HECW2: variants seen among roughly 807,000 people sequenced by gnomAD.
The protein encoded by HECW2 is E3 ubiquitin-protein ligase HECW2.
In HECW2, 61 loss-of-function variants were observed where a neutral mutation model predicts 175.2. The ratio of observed to expected loss-of-function variants is 0.35; its 90% CI spans 0.28 to 0.43. The LOEUF is 0.43. HECW2 is among the 20% of genes least tolerant of loss of function. HECW2 has a pLI of 1.00. For missense variants in HECW2, 1,524 were observed against 2,000.5 expected (o/e 0.76, Z 4.54); for synonymous variants, 671 against 731.0 (o/e 0.92, Z 1.32).
intron 17 of HECW2, among the ~76,000 whole-genome samples, chr2:196,258,453 GA>G (rs1689153183): frequency 6.6e-6 from 1 of 152,030 alleles, no homozygotes. Flanking sequence ...TTTAAATAAA[GA>G]AAAAACTGAA....
chr2:196,592,014 G>A (rs1691215613), intron 1 of HECW2, among the ~76,000 whole-genome samples: 1 of 152,120 alleles, frequency 6.6e-6, no homozygotes, highest in South Asian at 2.1e-4. Context: ...GAGGGAATAG[G>A]AGAAATAGTA....
intron 1 of HECW2, among the ~76,000 whole-genome samples, chr2:196,550,188 T>A (rs1689563746): frequency 6.6e-6 from 1 of 152,216 alleles, no homozygotes; most frequent in South Asian, 2.1e-4. Context: ...ACCATCCATA[T>A]AAAGGTAGAC....
chr2:196,492,979 G>T (rs1278945610), intron 1 of HECW2, among the ~76,000 whole-genome samples: 4 of 152,170 alleles, frequency 2.6e-5, no homozygotes, highest in African/African-American at 9.7e-5. Context: ...AAACACTGCT[G>T]TAAAGTTATA....
chr2:196,572,660 C>A (rs1016289183), intron 1 of HECW2, among the ~76,000 whole-genome samples: 1 of 152,172 alleles, frequency 6.6e-6, no homozygotes, highest in Non-Finnish European at 1.5e-5. Context: ...AAACCCTACT[C>A]CCAATGTGAT....
At chr2:196,278,022 A>C (rs1313128331) in intron 15 of HECW2, among the ~76,000 whole-genome samples, 2 of 146,942 alleles carry the variant, frequency 1.4e-5, no homozygotes, top group African/African-American at 4.9e-5. Flanking sequence ...AGATATACCT[A>C]ATGTAAATGA....
intron 2 of HECW2, among the ~76,000 whole-genome samples, chr2:196,389,115 T>G (rs1363735567): frequency 1.3e-5 from 2 of 152,220 alleles, no homozygotes; most frequent in African/African-American, 4.8e-5. Context: ...TATGGACCAT[T>G]CAGGACAAAC....
chr2:196,554,783 T>C (rs186385004), intron 1 of HECW2, among the ~76,000 whole-genome samples: 21 of 152,356 alleles, frequency 1.4e-4, no homozygotes, highest in Admixed American at 5.2e-4. Flanking sequence ...CGGAGAAGTT[T>C]AGCCTAGAAG....
At chr2:196,433,735 C>T (rs1695786905) in intron 1 of HECW2, among the ~76,000 whole-genome samples, 1 of 152,160 alleles carries the variant, frequency 6.6e-6, no homozygotes, top group Non-Finnish European at 1.5e-5. Context: ...AGAGGATTTC[C>T]TTGCCATCCC....
chr2:196,425,798 A>T (rs1695530418), intron 2 of HECW2, among the ~76,000 whole-genome samples: 1 of 152,162 alleles, frequency 6.6e-6, no homozygotes, highest in African/African-American at 2.4e-5. Flanking sequence ...ACAACAAAAA[A>T]AATTAGAATA....
At chr2:196,222,839 A>G (rs1288776367) in intron 23 of HECW2, among the ~76,000 whole-genome samples, 2 of 152,076 alleles carry the variant, frequency 1.3e-5, no homozygotes, top group Non-Finnish European at 2.9e-5. Flanking sequence ...TTTATTAAAG[A>G]CATGATTCAT....
At chr2:196,494,501 A>G (rs1319727386) in intron 1 of HECW2, among the ~76,000 whole-genome samples, 2 of 152,178 alleles carry the variant, frequency 1.3e-5, no homozygotes, top group Non-Finnish European at 2.9e-5. Flanking sequence ...GAAGGCAGGG[A>G]GAGGGACAGT....
intron 28 of HECW2, among the ~76,000 whole-genome samples, chr2:196,203,793 CCAT>C (rs1199690936): frequency 2.6e-5 from 4 of 152,110 alleles, no homozygotes; most frequent in Non-Finnish European, 1.5e-5. Context: ...TATTTTGCAA[CCAT>C]CATCACTATC....
At chr2:196,343,832 A>C (rs1208966166) in intron 2 of HECW2, 68 bp from the exon 3 acceptor site, 11 of 972,796 alleles carry the variant, frequency 1.1e-5, no homozygotes, top group Non-Finnish European at 1.6e-5. Context: ...GAAGATTAAC[A>C]TAAGTTCTAA....
chr2:196,315,189 T>TGC (rs1553498455), intron 10 of HECW2, among the ~76,000 whole-genome samples: 31 of 146,446 alleles, frequency 2.1e-4, no homozygotes, highest in African/African-American at 7.3e-4. Flanking sequence ...TGTGTGTGTG[T>TGC]GCATAACTTA....
At chr2:196,579,588 T>G (rs908220197) in intron 1 of HECW2, among the ~76,000 whole-genome samples, 4 of 152,158 alleles carry the variant, frequency 2.6e-5, no homozygotes, top group African/African-American at 9.7e-5. Flanking sequence ...TACCATGTGT[T>G]ATGGGATGAA....
At chr2:196,415,164 T>G (rs2125235443) in intron 2 of HECW2, among the ~76,000 whole-genome samples, 1 of 152,264 alleles carries the variant, frequency 6.6e-6, no homozygotes, top group South Asian at 2.1e-4. Flanking sequence ...GGGGCCACTG[T>G]CTATGTTCTG....
intron 1 of HECW2, among the ~76,000 whole-genome samples, chr2:196,483,918 C>G (rs1210594377): frequency 1.3e-5 from 2 of 151,976 alleles, no homozygotes; most frequent in Admixed American, 6.6e-5. Context: ...TTAATGAGAC[C>G]AAGATATTTA....
intron 5 of HECW2, among the ~76,000 whole-genome samples, chr2:196,327,691 T>C (rs909377334): frequency 1.3e-5 from 2 of 152,210 alleles, no homozygotes; most frequent in Admixed American, 6.5e-5. Context: ...ATTAACATTA[T>C]AGAATTGGTT....
At chr2:196,520,311 A>G (rs1688313769) in intron 1 of HECW2, among the ~76,000 whole-genome samples, 1 of 151,878 alleles carries the variant, frequency 6.6e-6, no homozygotes. Context: ...CTGTGCCATT[A>G]AGGCTGGCAT....
Sources: gnomAD v4.1 joint callset for allele counts (sites outside exome capture counted in the v4.1 genomes callset) on GRCh38, gnomAD v4.1.1 for gene constraint, MANE v1.5 for transcripts, NCBI Gene and HGNC (gene_info 2026-07-23, HGNC 2026-07-21) for gene names.